The following MTSS1 variants were observed in gnomAD, a reference collection of about 807,000 sequenced individuals.
MTSS1 encodes protein MTSS 1.
MTSS1 carries 18 observed loss-of-function variants against 79.0 expected under a neutral mutation model. The observed-to-expected ratio is 0.23, with a 90% CI of 0.16 to 0.34. The LOEUF is 0.34. MTSS1 is among the 10% of genes least tolerant of loss of function. MTSS1 has a pLI of 1.00. For synonymous variants in MTSS1, 341 were observed against 368.6 expected, an observed-to-expected ratio of 0.93 and a Z score of 0.86; for missense variants, 815 against 986.2, an observed-to-expected ratio of 0.83 and a Z score of 2.33.
At chr8:124,595,036 G>T (rs1218288359) in intron 3 of MTSS1, among the ~76,000 whole-genome samples, 4 of 152,060 alleles carry the variant, frequency 2.6e-5, no homozygotes, top group Non-Finnish European at 5.9e-5. Context: ...CTGTGTTCTC[G>T]GTACCTAGCA....
rs778386068 is a variant in MTSS1 at position 124,568,598 on chromosome 8, C to T, written c.461-62G>A. 9.9e-6 allele frequency: 16 copies of T among 1,608,298 alleles called. No homozygotes were observed. The South Asian group carries it at 1.7e-4, about 17-fold the overall frequency. On this transcript the variant is annotated intron_variant, in intron 6 of 13. Coordinates refer to ENST00000518547, the MANE Select transcript of MTSS1 (RefSeq NM_014751.6). ...ATACCAGCTTCTGGAACAAGTGCCC[C>T]TCCTCCCTGGGGTCCTTGCTGGAGT...
chr8:124,719,248 G>C (rs1312862144), intron 1 of MTSS1, among the ~76,000 whole-genome samples: 1 of 152,212 alleles, frequency 6.6e-6, no homozygotes, highest in African/African-American at 2.4e-5. Context: ...AATTATACTA[G>C]TTACTAAGAC....
Position 124,727,051 on chromosome 8 carries a change from C to G in MTSS1, c.72+833G>C, listed in dbSNP as rs996361502. On this transcript the variant is annotated intron_variant, in intron 1 of 13. Coordinates refer to ENST00000518547, the MANE Select transcript of MTSS1 (RefSeq NM_014751.6). The surrounding 1 kb of genome is among the most constrained non-coding windows in gnomAD (Gnocchi z 4.7). ...AGGTTATCCCCAGTCCCACCCTTTG[C>G]AGGAAAAAACCAGGGTGTTGTTCCC... Among the ~76,000 whole-genome samples, 2 of 152,142 alleles carry G rather than the reference C, an allele frequency of 1.3e-5. No homozygotes were observed. The highest frequency in any genetic ancestry group is 4.8e-5 in the African/African-American group (2 of 41,440).
intron 1 of MTSS1, among the ~76,000 whole-genome samples, chr8:124,712,382 C>T (rs1831299992): frequency 6.6e-6 from 1 of 152,184 alleles, no homozygotes; most frequent in African/African-American, 2.4e-5. Context: ...CTGCTTTACG[C>T]AGCTTCCAGA....
chr8:124,576,134 G>C (rs1008522161), intron 6 of MTSS1, among the ~76,000 whole-genome samples: 3 of 152,150 alleles, frequency 2.0e-5, no homozygotes, highest in Admixed American at 6.5e-5. Context: ...AGCCAAAAAG[G>C]CTTCAAGGGC....
At chr8:124,602,682 C>G (rs1005316329) in intron 3 of MTSS1, among the ~76,000 whole-genome samples, 6 of 152,264 alleles carry the variant, frequency 3.9e-5, no homozygotes, top group African/African-American at 1.2e-4. Context: ...AAGCTCCAGG[C>G]AAGGGGCTAG....
At chr8:124,569,859 G>A (rs941385764) in intron 6 of MTSS1, among the ~76,000 whole-genome samples, 8 of 152,316 alleles carry the variant, frequency 5.3e-5, no homozygotes, top group African/African-American at 1.9e-4. Flanking sequence ...GAATGGTACA[G>A]AGGCAGGGTT....
At chr8:124,641,003 T>C (rs1264365599) in intron 3 of MTSS1, among the ~76,000 whole-genome samples, 1 of 151,912 alleles carries the variant, frequency 6.6e-6, no homozygotes, top group Non-Finnish European at 1.5e-5. Context: ...CACACTAATA[T>C]GTCATCCGTG....
Position 124,651,450 on chromosome 8 carries a change from C to CT in MTSS1, c.208+48075dup, listed in dbSNP as rs879654879. Among the ~76,000 whole-genome samples, 374 of 139,490 alleles carry CT rather than the reference C, an allele frequency of 2.7e-3. 1 individual carries two copies. The highest frequency in any genetic ancestry group is 3.3e-3 in the Non-Finnish European group (208 of 63,224). The allele number at this position is 139,490 out of a possible 152,430, so 91.5% of individuals were successfully genotyped here. On this transcript the variant is annotated intron_variant, in intron 3 of 13. Transcript: ENST00000518547. The stretch of plus-strand genomic sequence containing the variant: ...GGCTACCAAATACAGTCCACATGGT[C>CT]TTTTTTTTTTTGGTGGGGGGGGAGG...
chr8:124,598,091 C>A (rs567874560), intron 3 of MTSS1, among the ~76,000 whole-genome samples: 7 of 151,984 alleles, frequency 4.6e-5, no homozygotes, highest in African/African-American at 1.7e-4. Context: ...TTAAGCGATA[C>A]CAACTAGCAA....
intron 2 of MTSS1, among the ~76,000 whole-genome samples, chr8:124,699,800 C>T (rs1246710163): frequency 6.6e-6 from 1 of 152,190 alleles, no homozygotes; most frequent in Non-Finnish European, 1.5e-5. Context: ...TCATTCGGTG[C>T]TAATCAATAA....
intron 3 of MTSS1, among the ~76,000 whole-genome samples, chr8:124,630,170 C>T (rs909736965): frequency 6.6e-6 from 1 of 152,238 alleles, no homozygotes; most frequent in Non-Finnish European, 1.5e-5. Flanking sequence ...GAAGAGGTCA[C>T]CTTCAGAAGT....
At chr8:124,647,888 T>C (rs1455099848) in intron 3 of MTSS1, among the ~76,000 whole-genome samples, 1 of 152,208 alleles carries the variant, frequency 6.6e-6, no homozygotes, top group Non-Finnish European at 1.5e-5. Context: ...CAGGTCCCCA[T>C]GGGCTGTGTG....
chr8:124,569,825 G>A (rs879870815), intron 6 of MTSS1, among the ~76,000 whole-genome samples: 3 of 152,218 alleles, frequency 2.0e-5, no homozygotes, highest in Non-Finnish European at 4.4e-5. Context: ...GAGAAGTCAA[G>A]GGACTCACCT....
At chr8:124,649,590 T>C (rs1262917083) in intron 3 of MTSS1, among the ~76,000 whole-genome samples, 1 of 152,048 alleles carries the variant, frequency 6.6e-6, no homozygotes, top group East Asian at 1.9e-4. Context: ...GGCAAATTAC[T>C]CCTCAAGGTG....
intron 3 of MTSS1, among the ~76,000 whole-genome samples, chr8:124,672,206 A>G (rs1169071360): frequency 2.6e-5 from 4 of 152,208 alleles, no homozygotes; most frequent in Admixed American, 1.3e-4. Context: ...AAAAATATGG[A>G]GAAGGGGCCA....
intron 9 of MTSS1, among the ~76,000 whole-genome samples, chr8:124,564,058 G>C (rs1349727719): frequency 6.7e-6 from 1 of 148,550 alleles, no homozygotes; most frequent in Non-Finnish European, 1.5e-5. Context: ...TTGAACCCAG[G>C]AGGCAGAAGT....
intron 13 of MTSS1, among the ~76,000 whole-genome samples, chr8:124,554,732 G>A (rs914019284): frequency 6.6e-6 from 1 of 152,178 alleles, no homozygotes; most frequent in East Asian, 1.9e-4. Context: ...GAGTTATTGA[G>A]CCTTAATTTC....
At chr8:124,556,569 G>A (rs1485111006) in intron 11 of MTSS1, 164 bp from the exon 12 acceptor site, 3 of 755,910 alleles carry the variant, frequency 4.0e-6, no homozygotes, top group Non-Finnish European at 6.2e-6. Flanking sequence ...GGCTCTAAAG[G>A]GCAAGGAATG....
Sources: gnomAD v4.1 joint callset for allele counts (sites outside exome capture counted in the v4.1 genomes callset) on GRCh38, gnomAD v4.1.1 for gene constraint, Gnocchi (gnomAD v3.1) non-coding constraint, MANE v1.5 for transcripts, NCBI Gene and HGNC (gene_info 2026-07-23, HGNC 2026-07-21) for gene names.